MICAL3: variants seen among roughly 807,000 people sequenced by gnomAD.
MICAL3 encodes microtubule associated monooxygenase, calponin and LIM domain containing 3, also known as [F-actin]-monooxygenase MICAL3.
In MICAL3, 62 loss-of-function variants were observed where a neutral mutation model predicts 207.4. That is an observed-to-expected ratio of 0.30 (90% confidence interval 0.24 to 0.37). MICAL3 has a LOEUF of 0.37. MICAL3 is among the 10% of genes least tolerant of loss of function. MICAL3 has a pLI of 1.00. For missense variants in MICAL3, 2,368 were observed against 2,635.6 expected, an observed-to-expected ratio of 0.90 and a Z score of 2.22; for synonymous variants, 1,077 against 1,069.3, an observed-to-expected ratio of 1.01 and a Z score of -0.14.
intron 1 of MICAL3, among the ~76,000 whole-genome samples, chr22:18,002,505 C>T (rs1923106039): frequency 6.6e-6 from 1 of 151,138 alleles, no homozygotes; most frequent in Admixed American, 6.6e-5. Flanking sequence ...TGGTGGCGCG[C>T]GTCTGTAATC....
In MICAL3 at chr22:17,872,042, G is replaced by C. The variant is rs768402011; in HGVS notation, c.2242-19C>G. On this transcript the variant is annotated intron_variant, in intron 16 of 31. Coordinates refer to ENST00000441493, the MANE Select transcript of MICAL3 (RefSeq NM_015241.3). ...TGGAGCCCTGCAGGAGGTGGCGGTCGGGAGGAAGGGGAGCACCTCAGGGAG... is the reference window on the plus strand; with the variant it reads ...TGGAGCCCTGCAGGAGGTGGCGGTCCGGAGGAAGGGGAGCACCTCAGGGAG... 1 of 1,576,778 alleles carries C rather than the reference G, an allele frequency of 6.3e-7. No individual in the cohort carries two copies. The highest frequency in any genetic ancestry group is 2.3e-5 in the East Asian group (1 of 43,226).
At chr22:17,892,966 A>T (rs898617932) in intron 11 of MICAL3, among the ~76,000 whole-genome samples, 1 of 152,138 alleles carries the variant, frequency 6.6e-6, no homozygotes, top group Non-Finnish European at 1.5e-5. Flanking sequence ...CATAACCAAC[A>T]ATGGCAATGA....
At chr22:17,808,587 A>T (rs76082242) in intron 29 of MICAL3, among the ~76,000 whole-genome samples, 2 of 152,336 alleles carry the variant, frequency 1.3e-5, no homozygotes, top group Non-Finnish European at 2.9e-5. Context: ...GCTCGCCATC[A>T]GCATGCCGGG....
intron 19 of MICAL3, among the ~76,000 whole-genome samples, chr22:17,858,938 C>T (rs937514513): frequency 1.3e-5 from 2 of 152,150 alleles, no homozygotes; most frequent in African/African-American, 4.8e-5. Flanking sequence ...TTATTACTGA[C>T]GCTTAGTTAA....
At chr22:17,916,077 A>AAC (rs1932491769) in intron 1 of MICAL3, among the ~76,000 whole-genome samples, 1 of 148,832 alleles carries the variant, frequency 6.7e-6, no homozygotes, top group African/African-American at 2.6e-5. Context: ...AAAAAAAAAA[A>AAC]AAACCCAAAA....
intron 1 of MICAL3, among the ~76,000 whole-genome samples, chr22:17,992,910 A>C (rs542303203): frequency 6.6e-6 from 1 of 152,262 alleles, no homozygotes; most frequent in African/African-American, 2.4e-5. Context: ...CTACCTGAAG[A>C]CTAGAAATGA....
At chr22:17,914,854 C>G (rs965458587) in intron 1 of MICAL3, among the ~76,000 whole-genome samples, 3 of 152,320 alleles carry the variant, frequency 2.0e-5, no homozygotes, top group African/African-American at 7.2e-5. Flanking sequence ...GCACCCCAGC[C>G]ATCAGCAACG....
At chr22:17,863,095 G>C in intron 19 of MICAL3, 2 of 985,272 alleles carry the variant, frequency 2.0e-6, no homozygotes, top group Non-Finnish European at 2.4e-6. Flanking sequence ...TATGGAAAGC[G>C]TAATTCTTTA....
rs998361058 is a variant in MICAL3 at position 17,978,863 on chromosome 22, A to G, written c.-75+45418T>C. 4.8e-5 allele frequency among the ~76,000 whole-genome samples: 7 copies of G among 144,898 alleles called. No homozygotes were observed. In the South Asian group the frequency reaches 1.1e-3, roughly 22 times the overall value. On this transcript the variant is annotated intron_variant, in intron 1 of 31. Coordinates refer to ENST00000441493, the MANE Select transcript of MICAL3 (RefSeq NM_015241.3). ...GAATGAATGGTATGTGAATTATATA[A>G]TAAAGCTGTTTAAAAGAAAAAAAAA...
At chr22:17,807,815 G>A (rs1172057087) in intron 29 of MICAL3, among the ~76,000 whole-genome samples, 3 of 152,158 alleles carry the variant, frequency 2.0e-5, no homozygotes, top group Non-Finnish European at 2.9e-5. Context: ...CTCCCAGTTC[G>A]TCCATTTCAC....
At chr22:17,924,966 C>T (rs1932882244) in intron 1 of MICAL3, among the ~76,000 whole-genome samples, 1 of 152,126 alleles carries the variant, frequency 6.6e-6, no homozygotes, top group African/African-American at 2.4e-5. Context: ...CCTAACACAC[C>T]CTGCAAACTG....
intron 1 of MICAL3, among the ~76,000 whole-genome samples, chr22:17,910,332 T>A (rs1019156376): frequency 2.0e-5 from 3 of 152,146 alleles, no homozygotes; most frequent in Admixed American, 2.0e-4. Context: ...TTGAAATAAT[T>A]CACTTCCAAA....
chr22:17,816,284 TGCTCTGTGCCTAAGGTCCCA>T (rs1920998835), intron 27 of MICAL3, among the ~76,000 whole-genome samples: 3 of 152,306 alleles, frequency 2.0e-5, no homozygotes, highest in Admixed American at 1.3e-4. Flanking sequence ...CCAGGCACAA[TGCTCTGTGCCTAAGGTCCCA>T]GCTCCGCCAG....
intron 19 of MICAL3, among the ~76,000 whole-genome samples, chr22:17,845,464 C>T (rs1924531633): frequency 1.3e-5 from 2 of 152,194 alleles, no homozygotes; most frequent in East Asian, 1.9e-4. Context: ...CCTTTCGGTA[C>T]GACGTGTCAA....
In MICAL3 at chr22:17,891,506, T is replaced by C. The variant is rs200507389; in HGVS notation, c.1673A>G (p.His558Arg). 164 of 1,614,004 alleles carry C rather than the reference T, an allele frequency of 1.0e-4. No homozygotes were observed. Among genetic ancestry groups the C allele is most frequent in the Non-Finnish European group, 1.3e-4 (157 of 1,179,888 alleles). Residue 558 changes from histidine to arginine, a missense_variant, in exon 12 of 32, where the codon CAT becomes CGT. Transcript: ENST00000441493. ...TTACATCAGGTCAGGGCGGTATCTA[T>C]GGATAATTGCACAAAGGGCCAAGCC... ...KSGLALCAII[H>R]RYRPDLIDFD...
intron 1 of MICAL3, among the ~76,000 whole-genome samples, chr22:17,931,422 C>T (rs562606224): frequency 6.6e-6 from 1 of 152,334 alleles, no homozygotes; most frequent in African/African-American, 2.4e-5. Flanking sequence ...GGAAGAACCA[C>T]ACACCACTGC....
In MICAL3 at chr22:17,850,022, A is replaced by G. The variant is rs561891697; in HGVS notation, c.2606-8005T>C. On this transcript the variant is annotated intron_variant, in intron 19 of 31. Transcript: ENST00000441493. Reference sequence around the variant, plus strand: ...TGGAATTTTTAACTGCCTGCTACACATGAACTATTCTTCATTTGGGGTAAC... The same window carrying G: ...TGGAATTTTTAACTGCCTGCTACACGTGAACTATTCTTCATTTGGGGTAAC... 9.2e-5 allele frequency among the ~76,000 whole-genome samples: 14 copies of G among 152,182 alleles called. No homozygotes were observed. The East Asian group carries it at 1.7e-3, about 19-fold the overall frequency.
At chr22:17,998,942 G>T (rs970071294) in intron 1 of MICAL3, among the ~76,000 whole-genome samples, 4 of 152,150 alleles carry the variant, frequency 2.6e-5, no homozygotes, top group Non-Finnish European at 4.4e-5. Context: ...TAGAACATTA[G>T]ATTTGATGCC....
intron 16 of MICAL3, among the ~76,000 whole-genome samples, chr22:17,885,257 A>G (rs558219774): frequency 1.8e-4 from 27 of 152,260 alleles, no homozygotes; most frequent in Non-Finnish European, 2.8e-4. Flanking sequence ...AAGCTTTATC[A>G]TAAGAACGCT....
Sources: allele counts gnomAD v4.1 joint callset (sites outside exome capture counted in the v4.1 genomes callset), GRCh38; gene constraint gnomAD v4.1.1; transcripts MANE v1.5; gene names NCBI Gene and HGNC (gene_info 2026-07-23, HGNC 2026-07-21).